Variants in XKR7 observed in about 807,000 individuals in gnomAD.
The protein encoded by XKR7 is XK-related protein 7.
Under a neutral mutation model 42.2 loss-of-function variants are expected in XKR7, and 11 were observed. The ratio of observed to expected loss-of-function variants is 0.26; its 90% CI spans 0.16 to 0.43. The LOEUF is 0.43. Among genes scored for constraint, XKR7 ranks in the 20% least tolerant of loss-of-function variants. The pLI is 1.00. For synonymous variants in XKR7, 346 were observed against 366.4 expected (o/e 0.94, Z 0.64); for missense variants, 710 against 802.2 (o/e 0.89, Z 1.39).
At chr20:31,977,397 C>G (rs1327805636) in intron 1 of XKR7, among the ~76,000 whole-genome samples, 1 of 152,128 alleles carries the variant, frequency 6.6e-6, no homozygotes, top group Non-Finnish European at 1.5e-5. Flanking sequence ...GCTTGGGGCA[C>G]CAGCGCAGAT....
chr20:31,989,615 G>T (rs1290798607), intron 1 of XKR7, among the ~76,000 whole-genome samples: 1 of 152,044 alleles, frequency 6.6e-6, no homozygotes, highest in Non-Finnish European at 1.5e-5. Context: ...ACAGACTGGG[G>T]ATTTTGTTGT....
At chr20:31,988,775 G>A (rs538122466) in intron 1 of XKR7, among the ~76,000 whole-genome samples, 6 of 152,312 alleles carry the variant, frequency 3.9e-5, no homozygotes, top group Admixed American at 2.6e-4. Context: ...GCATCAGAGA[G>A]GGCTTCCTGT....
In XKR7 at chr20:31,997,177, C is replaced by T; in HGVS notation, c.1460C>T (p.Ala487Val). The T allele has an allele frequency of 1.9e-6, 3 of 1,610,372 alleles. No individual in the cohort carries two copies. Among genetic ancestry groups the T allele is most frequent in the Non-Finnish European group, 2.5e-6 (3 of 1,179,970 alleles). ...ACTACAGGTGCTGAGCGGGATGGGG[C>T]CTCGGCGGGAGAGCGTGCAGGGACC... ...PRTTGAERDG[A>V]SAGERAGTPT... Residue 487 changes from alanine (A) to valine (V), a missense_variant, in exon 3 of 3, where the codon GCC becomes GTC. By Grantham distance (64) the Ala-to-Val change is moderately conservative. Coordinates refer to ENST00000562532, the MANE Select transcript of XKR7 (RefSeq NM_001011718.2).
In XKR7 at chr20:31,996,804, G is replaced by C; in HGVS notation, c.1087G>C (p.Val363Leu). The change falls in exon 3 of 3, where the codon GTC becomes CTC. Residue 363 changes from valine to leucine, a missense_variant. Physicochemically the swap from Val to Leu is conservative, Grantham distance 32. This residue lies in a region of XKR7 where 708 missense variants were observed against 786.2 expected (regional missense o/e 0.90). Coordinates refer to ENST00000562532, the MANE Select transcript of XKR7 (RefSeq NM_001011718.2). Reference sequence around the variant, plus strand: ...GTGGGAGGAGATCATCTACAACATGGTCGTGGGCATCATCTACATCTTCTG... The same window carrying C: ...GTGGGAGGAGATCATCTACAACATGCTCGTGGGCATCATCTACATCTTCTG... ...SKWEEIIYNMVVGIIYIFCWF... is the reference protein window; with the variant it reads ...SKWEEIIYNMLVGIIYIFCWF... 7 of 1,613,960 alleles carry C rather than the reference G, an allele frequency of 4.3e-6. No individual in the cohort carries two copies. The highest frequency in any genetic ancestry group is 5.9e-6 in the Non-Finnish European group (7 of 1,179,998).
At chr20:31,992,029 A>G (rs2064572456) in intron 1 of XKR7, among the ~76,000 whole-genome samples, 1 of 152,234 alleles carries the variant, frequency 6.6e-6, no homozygotes, top group South Asian at 2.1e-4. Context: ...AGGCAGGAGA[A>G]TCGCTTGAAC....
chr20:31,968,576 C>A lies in XKR7; in HGVS notation c.401C>A (p.Ala134Asp), dbSNP rs752413607. The change falls in exon 1 of 3, where the codon GCC becomes GAC. Residue 134 changes from alanine to aspartate, a missense_variant. By Grantham distance (126) the Ala-to-Asp change is moderately radical (BLOSUM62 -2). Around this residue, in one of 2 missense-constraint regions of XKR7, gnomAD observed 708 missense variants for 786.2 expected, o/e 0.90. Coordinates refer to ENST00000562532, the MANE Select transcript of XKR7 (RefSeq NM_001011718.2). This position sits in a 1 kb window ranked among gnomAD's most constrained non-coding sequence, Gnocchi z 4.5. ...GPAVSTKDSVAGGAAISTKDS... is the reference protein window; with the variant it reads ...GPAVSTKDSVDGGAAISTKDS... ...GCCGTCAGCACCAAGGACAGCGTAGCCGGCGGAGCCGCCATCAGCACCAAG... is the reference window on the plus strand; with the variant it reads ...GCCGTCAGCACCAAGGACAGCGTAGACGGCGGAGCCGCCATCAGCACCAAG... 6.2e-7 allele frequency: 1 copy of A among 1,609,338 alleles called. No homozygotes were observed. Among genetic ancestry groups the A allele is most frequent in the Non-Finnish European group, 8.5e-7 (1 of 1,178,816 alleles).
chr20:31,995,101 C>T lies in XKR7; in HGVS notation c.618C>T (p.Ser206=), dbSNP rs2064584925. 2.6e-6 allele frequency: 4 copies of T among 1,556,438 alleles called. No individual in the cohort carries two copies. The highest frequency in any genetic ancestry group is 2.6e-6 in the Non-Finnish European group (3 of 1,151,098). Reference sequence around the variant, plus strand: ...GCGCCCTGTACCTGGGGCTGCAGAGCCGCTGGCGCGGGGAGCGGCTGCGGC... The same window carrying T: ...GCGCCCTGTACCTGGGGCTGCAGAGTCGCTGGCGCGGGGAGCGGCTGCGGC... The part of the protein sequence containing the change: ...YLRALYLGLQ[S]RWRGERLRRH... Residue 206 remains serine, a synonymous_variant, in exon 2 of 3, where the codon AGC becomes AGT. Transcript: ENST00000562532. The surrounding 1 kb of genome is among the most constrained non-coding windows in gnomAD (Gnocchi z 4.1).
Position 32,000,569 on chromosome 20 carries a change from TGA to T in XKR7, c.*3116_*3117del, listed in dbSNP as rs1201816226. 1.3e-5 allele frequency: 2 copies of T among 152,420 alleles called. No homozygotes were observed. The highest frequency in any genetic ancestry group is 4.8e-5 in the African/African-American group (2 of 41,434). The allele number at this position is 152,420 out of a possible 1,614,324, so 9.4% of individuals were successfully genotyped here. A position where few individuals can be genotyped will look rare whatever the true frequency, so the allele number is the denominator to read the frequency against. On this transcript the variant is annotated 3_prime_UTR_variant, in exon 3 of 3. Transcript: ENST00000562532. ...GTGGCAGTTAGGATTTCCCTGGGGATGAGAGGTAGTTGGGTGTGTCTTAATTT... is the reference window on the plus strand; with the variant it reads ...GTGGCAGTTAGGATTTCCCTGGGGATGAGGTAGTTGGGTGTGTCTTAATTT...
chr20:31,978,904 G>A (rs568873602), intron 1 of XKR7, among the ~76,000 whole-genome samples: 4 of 152,282 alleles, frequency 2.6e-5, no homozygotes, highest in Admixed American at 6.5e-5. Context: ...GGAGGCCGAG[G>A]TGGGAAGATC....
chr20:31,991,282 C>G (rs541991633), intron 1 of XKR7, among the ~76,000 whole-genome samples: 4 of 152,158 alleles, frequency 2.6e-5, no homozygotes, highest in Non-Finnish European at 4.4e-5. Context: ...GTCTCTCCTT[C>G]CTAGTCAAAG....
chr20:31,984,801 C>T (rs760086576), intron 1 of XKR7, among the ~76,000 whole-genome samples: 3 of 152,178 alleles, frequency 2.0e-5, no homozygotes, highest in Non-Finnish European at 4.4e-5. Context: ...AGGGGAATCC[C>T]GTGGGATGAG....
At chr20:31,985,285 G>A (rs2064532405) in intron 1 of XKR7, among the ~76,000 whole-genome samples, 1 of 152,130 alleles carries the variant, frequency 6.6e-6, no homozygotes, top group Admixed American at 6.5e-5. Context: ...GAGGCAGCGG[G>A]GGAGCCACTG....
At chr20:31,970,543 G>A (rs1382079690) in intron 1 of XKR7, 2 of 152,230 alleles carry the variant, frequency 1.3e-5, no homozygotes, top group African/African-American at 4.8e-5. Flanking sequence ...AGGCTGGGAT[G>A]AGATAAGTTT....
intron 1 of XKR7, among the ~76,000 whole-genome samples, chr20:31,989,171 A>G (rs1479908930): frequency 6.6e-6 from 1 of 152,118 alleles, no homozygotes; most frequent in Non-Finnish European, 1.5e-5. Flanking sequence ...AGAAGGTGTG[A>G]GCTGATGAGG....
rs75185564 is a variant in XKR7, at chr20:31,995,042, G to A, written c.585-26G>A. The A allele has an allele frequency of 1.5e-5, 23 of 1,540,054 alleles. No homozygotes were observed. The East Asian group carries it at 5.2e-4, about 35-fold the overall frequency. ...GAGCGAGAGGAACCAGCGCGCGGGA[G>A]CCTGAGCACCGCGTCCTTCCCGCAG... On this transcript the variant is annotated intron_variant, in intron 1 of 2. Transcript: ENST00000562532. This position sits in a 1 kb window ranked among gnomAD's most constrained non-coding sequence, Gnocchi z 4.1.
chr20:31,991,460 C>G (rs1448202791), intron 1 of XKR7, among the ~76,000 whole-genome samples: 5 of 152,114 alleles, frequency 3.3e-5, no homozygotes, highest in Non-Finnish European at 7.4e-5. Flanking sequence ...GTATCCCATG[C>G]CTTAGCTCAG....
chr20:31,996,137 GACCTCCTCTTC>G (rs1272017997), intron 2 of XKR7, among the ~76,000 whole-genome samples: 1 of 150,890 alleles, frequency 6.6e-6, no homozygotes, highest in African/African-American at 2.4e-5. Context: ...CCCTAATCAT[GACCTCCTCTTC>G]ACCTCCTCTT....
chr20:31,989,288 C>G (rs1280971573), intron 1 of XKR7, among the ~76,000 whole-genome samples: 2 of 147,202 alleles, frequency 1.4e-5, no homozygotes, highest in African/African-American at 2.5e-5. Flanking sequence ...CCCCCCCCAG[C>G]GCATCTGGAG....
chr20:31,986,371 G>A (rs2064540227), intron 1 of XKR7, among the ~76,000 whole-genome samples: 1 of 131,988 alleles, frequency 7.6e-6, no homozygotes, highest in Non-Finnish European at 1.5e-5. Flanking sequence ...CCACCAAGCA[G>A]ACCAAGCATC....
Sources: gnomAD v4.1 joint callset for allele counts (sites outside exome capture counted in the v4.1 genomes callset) on GRCh38, gnomAD v4.1.1 for gene constraint, gnomAD v4.1.1 regional missense constraint, Gnocchi (gnomAD v3.1) non-coding constraint, MANE v1.5 for transcripts, NCBI Gene and HGNC (gene_info 2026-07-23, HGNC 2026-07-21) for gene names.